The following MYO3B variants were observed in gnomAD, a reference collection of about 807,000 sequenced individuals.
The protein encoded by MYO3B is myosin IIIB.
A neutral mutation model predicts 174.6 loss-of-function variants in MYO3B; 156 were observed. That is an observed-to-expected ratio of 0.89 (90% CI 0.78 to 1.02). The LOEUF (loss-of-function observed/expected upper bound fraction) is 1.02. MYO3B is among the 50% of genes least tolerant of loss of function. The pLI is 0.00. For missense variants in MYO3B, 1,632 were observed against 1,639.4 expected, an observed-to-expected ratio of 1.00 and a Z score of 0.08; for synonymous variants, 563 against 569.1, an observed-to-expected ratio of 0.99 and a Z score of 0.15.
At chr2:170,304,953 T>A (rs1052750569) in intron 7 of MYO3B, among the ~76,000 whole-genome samples, 1 of 152,010 alleles carries the variant, frequency 6.6e-6, no homozygotes, top group Non-Finnish European at 1.5e-5. Flanking sequence ...AATCTGTCAA[T>A]TTTTCCCTTT....
chr2:170,369,703 T>A (rs1203269478), intron 9 of MYO3B, among the ~76,000 whole-genome samples: 2 of 126,716 alleles, frequency 1.6e-5, no homozygotes, highest in Non-Finnish European at 3.4e-5. Flanking sequence ...TTTTTTTTTT[T>A]ACCAATAGAG....
intron 23 of MYO3B, among the ~76,000 whole-genome samples, chr2:170,445,118 G>A (rs1287988966): frequency 1.3e-5 from 2 of 151,982 alleles, no homozygotes; most frequent in African/African-American, 2.4e-5. Flanking sequence ...TTTTACACAT[G>A]TTTCTGTTAA....
At chr2:170,620,632 T>C (rs958344120) in intron 32 of MYO3B, among the ~76,000 whole-genome samples, 4 of 152,202 alleles carry the variant, frequency 2.6e-5, no homozygotes, top group African/African-American at 9.6e-5. Flanking sequence ...CATGTTCCCA[T>C]TGGTTACCCT....
intron 25 of MYO3B, among the ~76,000 whole-genome samples, chr2:170,485,335 G>T (rs371213297): frequency 6.6e-6 from 1 of 150,386 alleles, no homozygotes. Context: ...CCCAGCATCT[G>T]CCCAATGATG....
intron 1 of MYO3B, chr2:170,180,288 A>G (rs928438736): frequency 6.3e-6 from 2 of 316,748 alleles, no homozygotes; most frequent in Admixed American, 3.3e-5. Context: ...GAGAAACTCA[A>G]ATCAGCTCAT....
intron 7 of MYO3B, among the ~76,000 whole-genome samples, chr2:170,251,654 C>G (rs1268176149): frequency 3.9e-5 from 6 of 152,250 alleles, no homozygotes; most frequent in Admixed American, 2.6e-4. Context: ...GGATCCTTCC[C>G]TTACAGGTTT....
chr2:170,329,559 T>A (rs1010284411), intron 7 of MYO3B, among the ~76,000 whole-genome samples: 11 of 150,648 alleles, frequency 7.3e-5, no homozygotes, highest in Non-Finnish European at 1.5e-4. Flanking sequence ...TTTTGTATTT[T>A]TTTTTTTTTT....
At chr2:170,310,682 A>AAAAAAG (rs2093733241) in intron 7 of MYO3B, among the ~76,000 whole-genome samples, 1 of 151,418 alleles carries the variant, frequency 6.6e-6, no homozygotes, top group Non-Finnish European at 1.5e-5. Flanking sequence ...AAAAAAAAAA[A>AAAAAAG]AAAAAGAAAT....
At chr2:170,199,757 G>A (rs1201514746) in intron 2 of MYO3B, among the ~76,000 whole-genome samples, 1 of 152,214 alleles carries the variant, frequency 6.6e-6, no homozygotes, top group East Asian at 1.9e-4. Context: ...GGGTTATAAT[G>A]CTGTATGCTG....
At chr2:170,341,129 T>C (rs1334208304) in intron 8 of MYO3B, 3 of 152,222 alleles carry the variant, frequency 2.0e-5, no homozygotes, top group Non-Finnish European at 4.4e-5. Flanking sequence ...TCTTTAAAAA[T>C]TGAAACTCAG....
chr2:170,488,258 T>C (rs970564037), intron 25 of MYO3B, among the ~76,000 whole-genome samples: 7 of 151,468 alleles, frequency 4.6e-5, no homozygotes, highest in African/African-American at 1.2e-4. Flanking sequence ...AGATTATAAG[T>C]AGAAAAGTAG....
At chr2:170,202,627 T>A (rs2092674315) in intron 3 of MYO3B, among the ~76,000 whole-genome samples, 1 of 152,188 alleles carries the variant, frequency 6.6e-6, no homozygotes, top group South Asian at 2.1e-4. Flanking sequence ...TCTGATGTTA[T>A]CCATTGGGTC....
At chr2:170,529,925 T>C (rs1199951365) in intron 30 of MYO3B, among the ~76,000 whole-genome samples, 2 of 152,230 alleles carry the variant, frequency 1.3e-5, no homozygotes, top group Non-Finnish European at 2.9e-5. Flanking sequence ...GAAAACATAA[T>C]GGTGTTTCAG....
intron 32 of MYO3B, among the ~76,000 whole-genome samples, chr2:170,628,708 T>C (rs1426583986): frequency 6.6e-6 from 1 of 151,974 alleles, no homozygotes; most frequent in Non-Finnish European, 1.5e-5. Flanking sequence ...CAAACTCTGA[T>C]ATTACAAAAC....
intron 22 of MYO3B, among the ~76,000 whole-genome samples, chr2:170,412,682 T>TA (rs1188471418): frequency 6.6e-6 from 1 of 152,198 alleles, no homozygotes; most frequent in Non-Finnish European, 1.5e-5. Flanking sequence ...ATTAAGCTCT[T>TA]AAGAGAGCGC....
At chr2:170,579,043 C>T (rs959480771) in intron 32 of MYO3B, among the ~76,000 whole-genome samples, 1 of 152,126 alleles carries the variant, frequency 6.6e-6, no homozygotes, top group Non-Finnish European at 1.5e-5. Context: ...CAGTGCACAT[C>T]GCCATAGAAA....
At chr2:170,320,399 C>T (rs1411601056) in intron 7 of MYO3B, among the ~76,000 whole-genome samples, 1 of 152,036 alleles carries the variant, frequency 6.6e-6, no homozygotes, top group Non-Finnish European at 1.5e-5. Flanking sequence ...TGTGGCATCA[C>T]GTTCATAAAG....
At chr2:170,323,412 A>C (rs1258717950) in intron 7 of MYO3B, among the ~76,000 whole-genome samples, 2 of 152,220 alleles carry the variant, frequency 1.3e-5, no homozygotes, top group Non-Finnish European at 2.9e-5. Flanking sequence ...GCTTGAGTTG[A>C]TGCTTAAGTT....
chr2:170,490,197 T>C (rs1183286556), intron 25 of MYO3B, among the ~76,000 whole-genome samples: 1 of 151,940 alleles, frequency 6.6e-6, no homozygotes, highest in Non-Finnish European at 1.5e-5. Flanking sequence ...CCCGGCTAAT[T>C]TTTTGTACTT....
Sources: gnomAD v4.1 joint callset for allele counts (sites outside exome capture counted in the v4.1 genomes callset) on GRCh38, gnomAD v4.1.1 for gene constraint, MANE v1.5 for transcripts, NCBI Gene and HGNC (gene_info 2026-07-23, HGNC 2026-07-21) for gene names.